The following IL1RAPL1 variants were observed in gnomAD, a reference collection of about 807,000 sequenced individuals.
The protein encoded by IL1RAPL1 is interleukin-1 receptor accessory protein-like 1.
In IL1RAPL1, 3 loss-of-function variants were observed where a neutral mutation model predicts 48.4. That is an observed-to-expected ratio of 0.06 (90% CI 0.03 to 0.16). IL1RAPL1 has a LOEUF of 0.16. Among genes scored for constraint, IL1RAPL1 ranks in the 10% least tolerant of loss-of-function variants. The pLI is 1.00. For synonymous variants in IL1RAPL1, 185 were observed against 187.7 expected (o/e 0.99, Z 0.12); for missense variants, 349 against 530.6 (o/e 0.66, Z 3.36).
chrX:29,069,083 A>G (rs1374293096), intron 2 of IL1RAPL1, among the ~76,000 whole-genome samples: 1 of 112,123 alleles, frequency 8.9e-6, no homozygotes, highest in Admixed American at 9.5e-5. Context: ...TTAAGATTCA[A>G]GCACCCAGCT....
intron 2 of IL1RAPL1, among the ~76,000 whole-genome samples, chrX:28,827,384 T>A (rs1937005156): frequency 1.8e-5 from 2 of 111,251 alleles, no homozygotes; most frequent in South Asian, 7.5e-4. Context: ...ACGTTGAGTG[T>A]TTACTCATAT....
chrX:28,775,315 C>G (rs1362662147), intron 1 of IL1RAPL1, among the ~76,000 whole-genome samples: 1 of 112,021 alleles, frequency 8.9e-6, no homozygotes, highest in African/African-American at 3.2e-5. Flanking sequence ...TTCTTTCTTG[C>G]CTCTTCCTGG....
chrX:29,374,107 G>A (rs994861034), intron 3 of IL1RAPL1, among the ~76,000 whole-genome samples: 2 of 103,647 alleles, frequency 1.9e-5, no homozygotes, highest in African/African-American at 3.5e-5. Context: ...TTTTTTTGTC[G>A]TGCCTCTGCT....
intron 3 of IL1RAPL1, among the ~76,000 whole-genome samples, chrX:29,365,448 C>T (rs1199225998): frequency 3.5e-5 from 4 of 112,814 alleles, no homozygotes; most frequent in Admixed American, 1.9e-4. Flanking sequence ...GTAATCCTAG[C>T]ACTTTGGGAA....
rs182861294 is a variant in IL1RAPL1 at position 28,751,868 on chromosome X, G to A, written c.-24-37452G>A. Among the ~76,000 whole-genome samples the A allele has an allele frequency of 9.4e-4, 105 of 111,873 alleles. 1 individual carries two copies. The East Asian group carries it at 0.022, about 23-fold the overall frequency. Reference sequence around the variant, plus strand: ...TTTTTTTGGTATAGTAGAGTGGAAAGGGTGAAAGCTTTCAAGCTAGGCAAG... The same window carrying A: ...TTTTTTTGGTATAGTAGAGTGGAAAAGGTGAAAGCTTTCAAGCTAGGCAAG... On this transcript the variant is annotated intron_variant, in intron 1 of 10. Transcript: ENST00000378993.
intron 1 of IL1RAPL1, among the ~76,000 whole-genome samples, chrX:28,787,034 T>C (rs1457185516): frequency 1.8e-5 from 2 of 112,269 alleles, no homozygotes; most frequent in Non-Finnish European, 3.8e-5. Flanking sequence ...TGTGAAATTC[T>C]ATGGATTTCT....
At chrX:29,579,594 T>C (rs910867749) in intron 5 of IL1RAPL1, among the ~76,000 whole-genome samples, 2 of 112,427 alleles carry the variant, frequency 1.8e-5, no homozygotes, top group Non-Finnish European at 3.8e-5. Flanking sequence ...CAAGATGTGT[T>C]TTAAAATTCA....
At chrX:29,901,144 A>T (rs752043434) in intron 6 of IL1RAPL1, among the ~76,000 whole-genome samples, 7 of 111,739 alleles carry the variant, frequency 6.3e-5, no homozygotes, top group Non-Finnish European at 1.3e-4. Context: ...ATGCAGCTTT[A>T]TCATAAAGGA....
At chrX:29,895,184 A>T in intron 6 of IL1RAPL1, among the ~76,000 whole-genome samples, 1 of 111,502 alleles carries the variant, frequency 9.0e-6, no homozygotes, top group East Asian at 2.8e-4. Flanking sequence ...ATTTGGAGGA[A>T]GAAAATTAGA....
intron 1 of IL1RAPL1, among the ~76,000 whole-genome samples, chrX:28,758,532 G>A (rs1257068152): frequency 2.7e-5 from 3 of 110,818 alleles, no homozygotes; most frequent in African/African-American, 9.9e-5. Flanking sequence ...GTTCTCAATG[G>A]CCAAAAGAGG....
chrX:29,107,491 T>A (rs1928471589), intron 2 of IL1RAPL1, among the ~76,000 whole-genome samples: 1 of 111,864 alleles, frequency 8.9e-6, no homozygotes, highest in Non-Finnish European at 1.9e-5. Context: ...CAATTTATAG[T>A]TATCAGTAGG....
At chrX:29,607,658 C>T (rs1923939159) in intron 5 of IL1RAPL1, among the ~76,000 whole-genome samples, 1 of 111,419 alleles carries the variant, frequency 9.0e-6, no homozygotes, top group Non-Finnish European at 1.9e-5. Flanking sequence ...CTTAATGATT[C>T]CACACTCTTT....
intron 6 of IL1RAPL1, among the ~76,000 whole-genome samples, chrX:29,884,182 C>A (rs1394174823): frequency 8.9e-6 from 1 of 111,995 alleles, no homozygotes; most frequent in Non-Finnish European, 1.9e-5. Flanking sequence ...TCATTCTATT[C>A]ATTCGAGACA....
chrX:29,400,416 CA>C lies in IL1RAPL1; in HGVS notation c.703+1109del, dbSNP rs5901919. ...TTTGTCCATGAAAATTGCATTCATA[CA>C]TTTTTTTTCTTTATAGTGCATTTCT... On this transcript the variant is annotated intron_variant, in intron 5 of 10. Coordinates refer to ENST00000378993, the MANE Select transcript of IL1RAPL1 (RefSeq NM_014271.4). 3.4e-3 allele frequency among the ~76,000 whole-genome samples: 387 copies of C among 112,210 alleles called. 1 individual carries two copies. The highest frequency in any genetic ancestry group is 0.012 in the African/African-American group (373 of 30,976).
At chrX:29,815,096 T>G (rs1930465076) in intron 6 of IL1RAPL1, among the ~76,000 whole-genome samples, 1 of 111,972 alleles carries the variant, frequency 8.9e-6, no homozygotes. Context: ...AGAATAGTTT[T>G]TTTTTCCTAA....
chrX:28,949,466 T>C (rs1924392819), intron 2 of IL1RAPL1, among the ~76,000 whole-genome samples: 1 of 111,684 alleles, frequency 9.0e-6, no homozygotes, highest in South Asian at 3.7e-4. Flanking sequence ...TTGGTTAATA[T>C]ACTGTCTGTG....
chrX:28,643,210 A>C (rs776395362), intron 1 of IL1RAPL1, among the ~76,000 whole-genome samples: 1 of 111,634 alleles, frequency 9.0e-6, no homozygotes, highest in African/African-American at 3.3e-5. Context: ...AGGATCTCCT[A>C]TCAGGGTGTC....
chrX:29,001,847 A>G (rs985569686), intron 2 of IL1RAPL1, among the ~76,000 whole-genome samples: 2 of 110,438 alleles, frequency 1.8e-5, no homozygotes, highest in Non-Finnish European at 3.8e-5. Context: ...TTAAATGTCT[A>G]TCAATAGTAG....
intron 5 of IL1RAPL1, among the ~76,000 whole-genome samples, chrX:29,629,488 G>A (rs1018555956): frequency 4.5e-5 from 5 of 111,307 alleles, no homozygotes; most frequent in African/African-American, 1.6e-4. Context: ...ATGAGATTTT[G>A]CAATTTACTC....
Sources: gnomAD v4.1 joint callset for allele counts (sites outside exome capture counted in the v4.1 genomes callset) on GRCh38, gnomAD v4.1.1 for gene constraint, MANE v1.5 for transcripts, NCBI Gene and HGNC (gene_info 2026-07-23, HGNC 2026-07-21) for gene names.